The following TRIP4 variants were observed in gnomAD, a reference collection of about 807,000 sequenced individuals.
TRIP4 encodes activating signal cointegrator 1.
TRIP4 carries 54 observed loss-of-function variants against 81.8 expected under a neutral mutation model. That is an observed-to-expected ratio of 0.66 (90% confidence interval 0.53 to 0.83). The LOEUF (loss-of-function observed/expected upper bound fraction) is 0.83. Among genes scored for constraint, TRIP4 ranks in the 40% least tolerant of loss-of-function variants. The probability of loss-of-function intolerance (pLI) is 0.00; values close to 1 mark genes in which losing one functional copy is unlikely to be tolerated. For synonymous variants in TRIP4, 270 were observed against 242.8 expected (o/e 1.11, Z -1.04); for missense variants, 662 against 683.6 (o/e 0.97, Z 0.35).
Position 64,395,411 on chromosome 15 carries a change from G to T in TRIP4, c.285G>T (p.Gly95=). 4 of 1,607,354 alleles carry T rather than the reference G, an allele frequency of 2.5e-6. No individual in the cohort carries two copies. Among genetic ancestry groups the T allele is most frequent in the Non-Finnish European group, 3.4e-6 (4 of 1,178,040 alleles). Residue 95 remains glycine, a synonymous_variant, in exon 3 of 13, where the codon GGG becomes GGT. Transcript: ENST00000261884. ...CTATCTTTAAAGAAATTTTAGATGG[G>T]CAGAAATCAGGCGACCATCTAAAGC... ...QCFKKDEILD[G]QKSGDHLKRG...
intron 11 of TRIP4, 46 bp from the exon 12 acceptor site, chr15:64,444,960 A>C (rs1892590817): frequency 1.9e-6 from 2 of 1,047,034 alleles, no homozygotes; most frequent in African/African-American, 3.2e-5. Flanking sequence ...CTTAAATTCA[A>C]AGCTTGTCCC....
intron 7 of TRIP4, among the ~76,000 whole-genome samples, chr15:64,413,601 T>A (rs184239756): frequency 3.9e-5 from 6 of 152,018 alleles, no homozygotes; most frequent in South Asian, 2.1e-4. Flanking sequence ...TATTTTTTTT[T>A]ATTTTTTTGA....
chr15:64,455,201 C>A lies in TRIP4; in HGVS notation c.*137C>A. The A allele has an allele frequency of 1.6e-6, 1 of 625,828 alleles. No homozygotes were observed. Among genetic ancestry groups the A allele is most frequent in the Non-Finnish European group, 2.6e-6 (1 of 384,174 alleles). 38.8% of individuals were successfully genotyped at this position (625,828 alleles called of 1,614,324 possible). Reference sequence around the variant, plus strand: ...GAATATCTCAGAACTTAAACTCTTACCAAAATCTGTATATTTTTCTTAAGG... The same window carrying A: ...GAATATCTCAGAACTTAAACTCTTAACAAAATCTGTATATTTTTCTTAAGG... On this transcript the variant is annotated 3_prime_UTR_variant, in exon 13 of 13. Coordinates refer to ENST00000261884, the MANE Select transcript of TRIP4 (RefSeq NM_016213.5).
intron 12 of TRIP4, chr15:64,450,927 G>A: frequency 4.4e-6 from 1 of 228,414 alleles, no homozygotes; most frequent in South Asian, 5.7e-5. Flanking sequence ...TTAAGAATGT[G>A]AAGAAAATGA....
intron 4 of TRIP4, among the ~76,000 whole-genome samples, chr15:64,398,795 C>T (rs574311734): frequency 6.6e-6 from 1 of 152,232 alleles, no homozygotes; most frequent in South Asian, 2.1e-4. Context: ...CACAGAAACC[C>T]TTAATGAGCT....
At chr15:64,390,069 T>C (rs971263845) in intron 1 of TRIP4, among the ~76,000 whole-genome samples, 2 of 146,546 alleles carry the variant, frequency 1.4e-5, no homozygotes, top group Admixed American at 6.9e-5. Context: ...ATATTAAATA[T>C]ATCAAATATT....
At chr15:64,388,628 C>A (rs150166592) in intron 1 of TRIP4, among the ~76,000 whole-genome samples, 126 of 152,240 alleles carry the variant, frequency 8.3e-4, no homozygotes, top group Non-Finnish European at 1.2e-3. Context: ...ACATTTTAGT[C>A]GGCCCAATCT....
At chr15:64,395,199 C>G (rs190247859) in intron 2 of TRIP4, among the ~76,000 whole-genome samples, 199 bp from the exon 3 acceptor site, 14 of 152,242 alleles carry the variant, frequency 9.2e-5, no homozygotes, top group African/African-American at 3.1e-4. Context: ...TGTTTGACTT[C>G]TTTTTCATTG....
intron 5 of TRIP4, 87 bp downstream of exon 5, chr15:64,400,908 G>A (rs1891484085): frequency 5.6e-6 from 6 of 1,078,960 alleles, no homozygotes; most frequent in Non-Finnish European, 8.3e-6. Context: ...ATCCTGGAGT[G>A]CAAGATGCAG....
Position 64,445,042 on chromosome 15 carries a change from G to A in TRIP4, c.1612G>A (p.Val538Ile). The change falls in exon 12 of 13, where the codon GTT (valine) becomes ATT (isoleucine). Residue 538 changes from valine to isoleucine, a missense_variant. Coordinates refer to ENST00000261884, the MANE Select transcript of TRIP4 (RefSeq NM_016213.5). ...CAGTCAAGAGTCTGATTCTCCATTT[G>A]TTTTCATCTGCAAAAATCCTCAGGA... is the stretch of plus-strand genomic sequence containing the variant. ...DISQESDSPF[V>I]FICKNPQEMV... is the part of the protein sequence containing the mutation. 2.5e-6 allele frequency: 4 copies of A among 1,601,810 alleles called. No homozygotes were observed. Among genetic ancestry groups the A allele is most frequent in the Non-Finnish European group, 3.4e-6 (4 of 1,171,978 alleles).
At chr15:64,437,102 TAGAG>T (rs988550834) in intron 11 of TRIP4, among the ~76,000 whole-genome samples, 3 of 151,708 alleles carry the variant, frequency 2.0e-5, no homozygotes, top group Non-Finnish European at 4.4e-5. Context: ...TGACAATAAA[TAGAG>T]AGGGAGACAA....
rs1022653637 is a variant in TRIP4, at chr15:64,414,187, C to G, written c.1146C>G (p.Pro382=). 6.2e-7 allele frequency: 1 copy of G among 1,613,946 alleles called. No homozygotes were observed. The highest frequency in any genetic ancestry group is 1.3e-5 in the African/African-American group (1 of 74,898). ...SEEPLGVLVN[P]NMYQSPPQWV... is the part of the protein sequence containing the mutation. ...AGCCTTTGGGAGTTCTGGTAAATCC[C>G]AACATGTACCAGTCCCCTCCCCAGG... The change falls in exon 8 of 13, where the codon CCC becomes CCG. Residue 382 remains proline (P), a synonymous_variant. Transcript: ENST00000261884.
rs71895300 is a variant in TRIP4 at position 64,439,512 on chromosome 15, C to CTTTT, written c.1576-5469_1576-5466dup. On this transcript the variant is annotated intron_variant, in intron 11 of 12. Coordinates refer to ENST00000261884, the MANE Select transcript of TRIP4 (RefSeq NM_016213.5). The stretch of plus-strand genomic sequence containing the variant: ...GTTCTTCAAATAACAACTTATAAAT[C>CTTTT]TTTTTTTTTTTTTTTTTTTTTTTTT... Among the ~76,000 whole-genome samples, 75 of 47,934 alleles carry CTTTT rather than the reference C, an allele frequency of 1.6e-3. 13 individuals carry two copies. Among genetic ancestry groups the CTTTT allele is most frequent in the African/African-American group, 7.2e-3 (72 of 10,000 alleles). The allele number at this position is 47,934 out of a possible 152,430, so 31.4% of individuals were successfully genotyped here.
chr15:64,435,647 TAAC>T (rs1048329118), intron 11 of TRIP4, among the ~76,000 whole-genome samples: 8 of 150,834 alleles, frequency 5.3e-5, no homozygotes, highest in East Asian at 3.9e-4. Context: ...TCCAGAGTTT[TAAC>T]AACATTATTC....
chr15:64,396,800 T>C (rs929195813), intron 3 of TRIP4, among the ~76,000 whole-genome samples: 2 of 152,244 alleles, frequency 1.3e-5, no homozygotes, highest in African/African-American at 4.8e-5. Flanking sequence ...AGGAGTTGAA[T>C]TGCTGTGTCA....
Position 64,400,909 on chromosome 15 carries a change from C to A in TRIP4, c.697+88C>A, listed in dbSNP as rs985208996. 9.3e-6 allele frequency: 10 copies of A among 1,074,572 alleles called. No homozygotes were observed. The African/African-American group carries it at 1.4e-4, about 15-fold the overall frequency. 66.6% of individuals were successfully genotyped at this position (1,074,572 alleles called of 1,614,324 possible). ...TTTCTCTTTTCTGTATCCTGGAGTGCAAGATGCAGTTTATTCACTCATTCT... is the reference window on the plus strand; with the variant it reads ...TTTCTCTTTTCTGTATCCTGGAGTGAAAGATGCAGTTTATTCACTCATTCT... On this transcript the variant is annotated intron_variant, in intron 5 of 12. Coordinates refer to ENST00000261884, the MANE Select transcript of TRIP4 (RefSeq NM_016213.5).
chr15:64,388,139 A>G, intron 1 of TRIP4, 175 bp downstream of exon 1: 1 of 1,173,542 alleles, frequency 8.5e-7, no homozygotes, highest in Middle Eastern at 3.2e-4. Context: ...TTTCTGGAAT[A>G]GGGTGTCCGG....
intron 11 of TRIP4, among the ~76,000 whole-genome samples, chr15:64,430,680 G>A (rs1459165848): frequency 6.6e-6 from 1 of 152,134 alleles, no homozygotes; most frequent in African/African-American, 2.4e-5. Context: ...TAGAAAATCT[G>A]ATTTGTCTGA....
At chr15:64,423,909 A>C in intron 9 of TRIP4, 122 bp from the exon 10 acceptor site, 1 of 1,111,128 alleles carries the variant, frequency 9.0e-7, no homozygotes, top group Non-Finnish European at 1.3e-6. Context: ...GCTCTTGAGA[A>C]GGCATCATCT....
Sources: gnomAD v4.1 joint callset for allele counts (sites outside exome capture counted in the v4.1 genomes callset) on GRCh38, gnomAD v4.1.1 for gene constraint, MANE v1.5 for transcripts, NCBI Gene and HGNC (gene_info 2026-07-23, HGNC 2026-07-21) for gene names.